NKAIN3: variants seen among roughly 807,000 people sequenced by gnomAD.
The protein encoded by NKAIN3 is sodium/potassium-transporting ATPase subunit beta-1-interacting protein 3.
NKAIN3 carries 25 observed loss-of-function variants against 30.2 expected under a neutral mutation model. That is an observed-to-expected ratio of 0.83 (90% CI 0.60 to 1.16). The LOEUF is 1.16. Ranked by LOEUF, NKAIN3 falls within the 50% of genes most tolerant of loss-of-function variation. NKAIN3 has a pLI of 0.00. For synonymous variants in NKAIN3, 91 were observed against 89.6 expected (o/e 1.02, Z -0.09); for missense variants, 225 against 254.1 (o/e 0.89, Z 0.78).
At chr8:62,739,635 A>G (rs1458474130) in intron 3 of NKAIN3, among the ~76,000 whole-genome samples, 2 of 152,104 alleles carry the variant, frequency 1.3e-5, no homozygotes, top group Non-Finnish European at 2.9e-5. Flanking sequence ...AGATCCCTCT[A>G]CCTGTTAAAT....
intron 4 of NKAIN3, among the ~76,000 whole-genome samples, chr8:62,870,256 A>AGATATAGATATCTATAGATATC (rs1820571912): frequency 8.8e-5 from 4 of 45,602 alleles, no homozygotes; most frequent in African/African-American, 4.4e-4. Context: ...ATATCTATAT[A>AGATATAGATATCTATAGATATC]TATATCTATA....
At chr8:62,934,210 C>A (rs1019438961) in intron 5 of NKAIN3, among the ~76,000 whole-genome samples, 6 of 149,848 alleles carry the variant, frequency 4.0e-5, no homozygotes, top group Admixed American at 1.3e-4. Context: ...CATGGTGAGA[C>A]CTTCTCTCTA....
At chr8:62,826,320 A>T (rs2130738271) in intron 4 of NKAIN3, among the ~76,000 whole-genome samples, 1 of 152,208 alleles carries the variant, frequency 6.6e-6, no homozygotes, top group African/African-American at 2.4e-5. Flanking sequence ...CTAGTCCAAG[A>T]AAATGAACTT....
At chr8:62,843,615 A>G (rs1819592949) in intron 4 of NKAIN3, among the ~76,000 whole-genome samples, 1 of 152,068 alleles carries the variant, frequency 6.6e-6, no homozygotes, top group Non-Finnish European at 1.5e-5. Context: ...AATTACAGGC[A>G]TTAGTCACCA....
chr8:62,869,193 G>A (rs959365117), intron 4 of NKAIN3, among the ~76,000 whole-genome samples: 4 of 152,098 alleles, frequency 2.6e-5, no homozygotes, highest in African/African-American at 4.8e-5. Flanking sequence ...TGTGCTCAAC[G>A]TGCAGGTTTG....
chr8:62,908,569 G>GT (rs1821847236), intron 4 of NKAIN3, among the ~76,000 whole-genome samples: 1 of 152,094 alleles, frequency 6.6e-6, no homozygotes, highest in Non-Finnish European at 1.5e-5. Context: ...TTGGCTGTGG[G>GT]TTTTTCCCAT....
intron 3 of NKAIN3, among the ~76,000 whole-genome samples, chr8:62,659,954 C>T (rs541590312): frequency 3.3e-5 from 5 of 152,320 alleles, no homozygotes; most frequent in Admixed American, 1.3e-4. Context: ...GATTGTGAGG[C>T]CTCCCAAGCC....
intron 1 of NKAIN3, among the ~76,000 whole-genome samples, chr8:62,504,264 C>T (rs1449228051): frequency 6.6e-6 from 1 of 152,168 alleles, no homozygotes; most frequent in East Asian, 1.9e-4. Context: ...TTCCACAAAA[C>T]CAGTCCGTAG....
chr8:62,416,626 C>T (rs1171786731), intron 1 of NKAIN3, among the ~76,000 whole-genome samples: 2 of 152,072 alleles, frequency 1.3e-5, no homozygotes, highest in Non-Finnish European at 2.9e-5. Context: ...AGTGAGATAT[C>T]CATCCCCTCA....
At chr8:62,753,972 A>C (rs989197511) in intron 4 of NKAIN3, among the ~76,000 whole-genome samples, 1 of 152,164 alleles carries the variant, frequency 6.6e-6, no homozygotes, top group African/African-American at 2.4e-5. Context: ...ACAGTTTTTT[A>C]TGATTCAAGT....
At chr8:62,756,095 A>G (rs1816443899) in intron 4 of NKAIN3, among the ~76,000 whole-genome samples, 1 of 152,204 alleles carries the variant, frequency 6.6e-6, no homozygotes, top group Non-Finnish European at 1.5e-5. Context: ...CTGAAATATG[A>G]TTCACATACC....
intron 1 of NKAIN3, among the ~76,000 whole-genome samples, chr8:62,515,181 C>A (rs548823693): frequency 6.6e-6 from 1 of 152,180 alleles, no homozygotes; most frequent in Non-Finnish European, 1.5e-5. Flanking sequence ...GAAAATTGTG[C>A]TAAAGAGTCA....
At chr8:62,448,026 A>G (rs1585818915) in intron 1 of NKAIN3, among the ~76,000 whole-genome samples, 1 of 152,118 alleles carries the variant, frequency 6.6e-6, no homozygotes, top group South Asian at 2.1e-4. Flanking sequence ...TTGATAAATC[A>G]ACATAAGGGA....
chr8:62,389,663 G>A (rs987063794), intron 1 of NKAIN3, among the ~76,000 whole-genome samples: 3 of 152,190 alleles, frequency 2.0e-5, no homozygotes, highest in African/African-American at 7.2e-5. Context: ...TCTGGGTATA[G>A]GAGTACATAC....
At chr8:62,869,806 T>G in intron 4 of NKAIN3, among the ~76,000 whole-genome samples, 1 of 152,032 alleles carries the variant, frequency 6.6e-6, no homozygotes, top group Non-Finnish European at 1.5e-5. Flanking sequence ...CTAGCTCTGT[T>G]GCCCAGGCTG....
At chr8:62,412,358 G>T (rs967475128) in intron 1 of NKAIN3, among the ~76,000 whole-genome samples, 1 of 151,554 alleles carries the variant, frequency 6.6e-6, no homozygotes, top group African/African-American at 2.4e-5. Context: ...TTCAATAAGT[G>T]GTGCTAAGAT....
chr8:62,792,128 G>GA (rs1158328352), intron 4 of NKAIN3, among the ~76,000 whole-genome samples: 1 of 151,978 alleles, frequency 6.6e-6, no homozygotes, highest in Non-Finnish European at 1.5e-5. Flanking sequence ...ATGAAACTCT[G>GA]GTGGCTTCAA....
chr8:62,571,395 T>C (rs1809933307), intron 1 of NKAIN3, among the ~76,000 whole-genome samples: 1 of 152,154 alleles, frequency 6.6e-6, no homozygotes, highest in African/African-American at 2.4e-5. Context: ...TCTGTGGCTT[T>C]GCAGGGTACA....
At chr8:62,470,635 C>A (rs1806300155) in intron 1 of NKAIN3, among the ~76,000 whole-genome samples, 2 of 152,076 alleles carry the variant, frequency 1.3e-5, no homozygotes, top group Admixed American at 6.6e-5. Context: ...GAAGGCAGAG[C>A]AGAGATTTAG....
Sources: allele counts gnomAD v4.1 joint callset (sites outside exome capture counted in the v4.1 genomes callset), GRCh38; gene constraint gnomAD v4.1.1; transcripts MANE v1.5; gene names NCBI Gene and HGNC (gene_info 2026-07-23, HGNC 2026-07-21).